TATDN3: variants seen among roughly 807,000 people sequenced by gnomAD.
The protein encoded by TATDN3 is TatD DNase domain containing 3.
A neutral mutation model predicts 40.1 loss-of-function variants in TATDN3; 29 were observed. That is an observed-to-expected ratio of 0.72 (90% CI 0.54 to 0.99). TATDN3 has a LOEUF of 0.99. Ranked by LOEUF, TATDN3 falls within the 50% of genes least tolerant of loss-of-function variation. The pLI is 0.00. For missense variants in TATDN3, 309 were observed against 321.9 expected (o/e 0.96, Z 0.31); for synonymous variants, 105 against 117.0 (o/e 0.90, Z 0.66).
At chr1:212,807,237 G>A (rs937458508) in intron 7 of TATDN3, among the ~76,000 whole-genome samples, 23 of 151,654 alleles carry the variant, frequency 1.5e-4, no homozygotes, top group African/African-American at 4.1e-4. Flanking sequence ...GAGCCACTGC[G>A]CCCGGACTAT....
Position 212,812,260 on chromosome 1 carries a change from G to C in TATDN3, c.613G>C (p.Val205Leu). 1 of 1,575,400 alleles carries C rather than the reference G, an allele frequency of 6.3e-7. No homozygotes were observed. Among genetic ancestry groups the C allele is most frequent in the Non-Finnish European group, 8.6e-7 (1 of 1,167,754 alleles). ...TCTTTTCTCTAAGAAGCAGAAACTT[G>C]TGAAACAATTGCCTTTAACTTCTAT... ...IIRSGQKQKL[V>L]KQLPLTSICL... Residue 205 changes from valine (V) to leucine (L), a missense_variant, in exon 9 of 10, where the codon GTG becomes CTG. By Grantham distance (32) the Val-to-Leu change is conservative. Transcript: ENST00000366974.
intron 4 of TATDN3, among the ~76,000 whole-genome samples, chr1:212,798,243 T>G (rs1661919801): frequency 6.6e-6 from 1 of 151,930 alleles, no homozygotes; most frequent in African/African-American, 2.4e-5. Context: ...GGAGAATCGT[T>G]TGAACCCAGG....
intron 7 of TATDN3, among the ~76,000 whole-genome samples, chr1:212,807,459 G>C (rs930165030): frequency 2.1e-4 from 32 of 152,048 alleles, no homozygotes; most frequent in African/African-American, 7.2e-4. Flanking sequence ...CACCATGTTG[G>C]CCAGGCTGGT....
rs1009267083 is a variant in TATDN3 at position 212,813,861 on chromosome 1, C to T, written c.682-1152C>T. On this transcript the variant is annotated intron_variant, in intron 9 of 9. Coordinates refer to ENST00000366974, the MANE Select transcript of TATDN3 (RefSeq NM_001042552.3). ...TAGTAGCTGGGATTACAGGCTTGTGCCACCACGCCCGGCTGATTTTTGTAT... is the reference window on the plus strand; with the variant it reads ...TAGTAGCTGGGATTACAGGCTTGTGTCACCACGCCCGGCTGATTTTTGTAT... Among the ~76,000 whole-genome samples the T allele has an allele frequency of 1.3e-4, 20 of 152,214 alleles. No homozygotes were observed. In the South Asian group the frequency reaches 1.7e-3, roughly 13 times the overall value.
At chr1:212,808,450 A>G (rs1420092655) in intron 8 of TATDN3, among the ~76,000 whole-genome samples, 2 of 152,204 alleles carry the variant, frequency 1.3e-5, no homozygotes, top group Non-Finnish European at 1.5e-5. Flanking sequence ...ATTGGACATA[A>G]TCAAAATTTA....
At chr1:212,792,539 G>A (rs1661401006) in intron 1 of TATDN3, among the ~76,000 whole-genome samples, 1 of 150,834 alleles carries the variant, frequency 6.6e-6, no homozygotes, top group South Asian at 2.1e-4. Flanking sequence ...GGAGGCTGAG[G>A]TGGGAGAATC....
At chr1:212,805,684 T>C (rs531062681) in intron 7 of TATDN3, among the ~76,000 whole-genome samples, 3 of 152,304 alleles carry the variant, frequency 2.0e-5, no homozygotes, top group South Asian at 4.1e-4. Context: ...ACTTCAGAAA[T>C]GCAGAATTTA....
At chr1:212,793,529 A>G (rs1661499747) in intron 1 of TATDN3, among the ~76,000 whole-genome samples, 1 of 152,140 alleles carries the variant, frequency 6.6e-6, no homozygotes, top group South Asian at 2.1e-4. Flanking sequence ...TTTTAACACC[A>G]TTTTGCTGCT....
chr1:212,800,337 C>T (rs1273027170), intron 4 of TATDN3, among the ~76,000 whole-genome samples: 1 of 150,044 alleles, frequency 6.7e-6, no homozygotes, highest in Non-Finnish European at 1.5e-5. Flanking sequence ...GTTAACTTAC[C>T]AAAGTAATTA....
rs1188895886 is a variant in TATDN3, at chr1:212,816,594, A to G, written c.*1438A>G. 2 of 152,222 alleles carry G rather than the reference A, an allele frequency of 1.3e-5. No individual in the cohort carries two copies. The highest frequency in any genetic ancestry group is 1.9e-4 in the East Asian group (1 of 5,204). 9.4% of individuals were successfully genotyped at this position (152,222 alleles called of 1,614,324 possible). A position where few individuals can be genotyped will look rare whatever the true frequency, so the allele number is the denominator to read the frequency against. ...GAAAATGCTGGAAAAAGTACCTGTC[A>G]TAGAAAAAAATAAACTTCCTAAATC... On this transcript the variant is annotated 3_prime_UTR_variant, in exon 10 of 10. Transcript: ENST00000366974.
chr1:212,792,872 G>A (rs1661443249), intron 1 of TATDN3: 1 of 152,086 alleles, frequency 6.6e-6, no homozygotes, highest in African/African-American at 2.4e-5. Context: ...CATTACGTGG[G>A]AAACTAGAGA....
intron 7 of TATDN3, among the ~76,000 whole-genome samples, chr1:212,806,479 T>C (rs1662475581): frequency 6.8e-6 from 1 of 146,580 alleles, no homozygotes; most frequent in South Asian, 2.2e-4. Context: ...CAAGAGATCC[T>C]CCCACTTCAG....
In TATDN3 at chr1:212,796,595, T is replaced by C. The variant is rs1661779287; in HGVS notation, c.173+5T>C. 1 of 1,556,828 alleles carries C rather than the reference T, an allele frequency of 6.4e-7. No homozygotes were observed. ...GATTATGCAACTTTCAGAAAGGTGCTACTTTTAATTAAGATTTTAAAGGGT... is the reference window on the plus strand; with the variant it reads ...GATTATGCAACTTTCAGAAAGGTGCCACTTTTAATTAAGATTTTAAAGGGT... On this transcript the variant is annotated splice_donor_5th_base_variant and intron_variant, in intron 3 of 9. Coordinates refer to ENST00000366974, the MANE Select transcript of TATDN3 (RefSeq NM_001042552.3).
At chr1:212,799,457 A>T (rs1227590746) in intron 4 of TATDN3, among the ~76,000 whole-genome samples, 1 of 152,160 alleles carries the variant, frequency 6.6e-6, no homozygotes, top group Non-Finnish European at 1.5e-5. Context: ...TGGATTTGGC[A>T]TATATTTGGC....
At chr1:212,798,536 C>CAAAAAAAAAAAAT in intron 4 of TATDN3, among the ~76,000 whole-genome samples, 1 of 91,320 alleles carries the variant, frequency 1.1e-5, no homozygotes, top group African/African-American at 4.1e-5. Context: ...CTCAAAAACT[C>CAAAAAAAAAAAAT]AAAAAAAAAA....
chr1:212,796,476 A>G (rs773572343), intron 2 of TATDN3, 41 bp from the exon 3 acceptor site: 19 of 1,394,462 alleles, frequency 1.4e-5, no homozygotes, highest in Non-Finnish European at 1.8e-5. Context: ...TTTATATTAA[A>G]TGTATATTGT....
At chr1:212,811,476 C>G (rs948587986) in intron 8 of TATDN3, among the ~76,000 whole-genome samples, 1 of 151,580 alleles carries the variant, frequency 6.6e-6, no homozygotes, top group South Asian at 2.1e-4. Flanking sequence ...GTTGCCCAGG[C>G]TGGTCTCGAA....
intron 1 of TATDN3, chr1:212,792,999 AG>A (rs1661461034): frequency 1.3e-5 from 2 of 152,138 alleles, no homozygotes; most frequent in African/African-American, 4.8e-5. Context: ...TATGCTGGTT[AG>A]GGAAACAGAT....
chr1:212,810,941 C>A (rs1558086813), intron 8 of TATDN3, among the ~76,000 whole-genome samples: 1 of 152,022 alleles, frequency 6.6e-6, no homozygotes, highest in African/African-American at 2.4e-5. Flanking sequence ...TTTAACATAA[C>A]TTTTAGTAGT....
Sources: allele counts gnomAD v4.1 joint callset (sites outside exome capture counted in the v4.1 genomes callset), GRCh38; gene constraint gnomAD v4.1.1; transcripts MANE v1.5; gene names NCBI Gene and HGNC (gene_info 2026-07-23, HGNC 2026-07-21).